SFXN5: variants seen among roughly 807,000 people sequenced by gnomAD.
The protein encoded by SFXN5 is sideroflexin 5.
A neutral mutation model predicts 50.2 loss-of-function variants in SFXN5; 43 were observed. That is an observed-to-expected ratio of 0.86 (90% CI 0.67 to 1.11). The LOEUF is 1.11. SFXN5 is among the 50% of genes least tolerant of loss of function. The probability of loss-of-function intolerance (pLI) is 0.00; values close to 1 mark genes in which losing one functional copy is unlikely to be tolerated. For missense variants in SFXN5, 463 were observed against 454.1 expected (o/e 1.02, Z -0.18); for synonymous variants, 203 against 185.8 (o/e 1.09, Z -0.75).
intron 1 of SFXN5, chr2:73,059,120 G>C (rs192573760): frequency 2.7e-4 from 263 of 982,198 alleles, no homozygotes; most frequent in Non-Finnish European, 3.0e-4. Flanking sequence ...TTCACCCACA[G>C]CCCTGTAGCT....
intron 11 of SFXN5, among the ~76,000 whole-genome samples, chr2:72,970,787 A>G (rs1442085432): frequency 6.6e-6 from 1 of 151,830 alleles, no homozygotes; most frequent in South Asian, 2.1e-4. Flanking sequence ...CCCCGGGTTC[A>G]AGCAATTCTC....
At chr2:73,007,188 G>A (rs1316134544) in intron 6 of SFXN5, among the ~76,000 whole-genome samples, 1 of 152,150 alleles carries the variant, frequency 6.6e-6, no homozygotes, top group African/African-American at 2.4e-5. Context: ...TCAGAACTGA[G>A]CAAGCCCCCA....
chr2:73,051,089 T>G (rs921510408), intron 2 of SFXN5, among the ~76,000 whole-genome samples: 2 of 152,106 alleles, frequency 1.3e-5, no homozygotes, highest in Non-Finnish European at 2.9e-5. Flanking sequence ...CCATTTCCAA[T>G]ACCTTGTTCC....
intron 7 of SFXN5, 39 bp downstream of exon 7, chr2:73,001,486 C>A (rs757441600): frequency 6.2e-7 from 1 of 1,610,430 alleles, no homozygotes; most frequent in Admixed American, 1.7e-5. Flanking sequence ...CCTGTGTGGG[C>A]CCTTCCTTCA....
intron 2 of SFXN5, among the ~76,000 whole-genome samples, chr2:73,055,598 CTTTTTTTTTTTTT>C (rs570909541): frequency 3.7e-5 from 5 of 133,930 alleles, no homozygotes; most frequent in African/African-American, 1.4e-4. Flanking sequence ...TTTTCTTTTT[CTTTTTTTTTTTTT>C]TTTTGAGACA....
At chr2:72,972,263 G>C (rs1157928523) in intron 10 of SFXN5, among the ~76,000 whole-genome samples, 1 of 152,224 alleles carries the variant, frequency 6.6e-6, no homozygotes, top group Non-Finnish European at 1.5e-5. Flanking sequence ...GCTCAGAGAA[G>C]AGGAGTGACT....
intron 9 of SFXN5, among the ~76,000 whole-genome samples, chr2:72,990,889 C>G (rs928908937): frequency 2.0e-5 from 3 of 152,178 alleles, no homozygotes; most frequent in African/African-American, 7.2e-5. Flanking sequence ...GGCTGGGGTC[C>G]TAACGAGTGG....
At chr2:73,052,216 T>C (rs376773068) in intron 2 of SFXN5, among the ~76,000 whole-genome samples, 17 of 152,162 alleles carry the variant, frequency 1.1e-4, no homozygotes, top group Non-Finnish European at 2.1e-4. Flanking sequence ...CGTTCCTTTT[T>C]GTGGGTAGCA....
chr2:72,969,979 A>G (rs2105447004), intron 11 of SFXN5, among the ~76,000 whole-genome samples: 1 of 152,236 alleles, frequency 6.6e-6, no homozygotes, highest in African/African-American at 2.4e-5. Context: ...CACGAGCTTC[A>G]GCCCTCAGAG....
intron 3 of SFXN5, among the ~76,000 whole-genome samples, chr2:73,031,362 A>C (rs1678274825): frequency 6.6e-6 from 1 of 152,226 alleles, no homozygotes; most frequent in African/African-American, 2.4e-5. Flanking sequence ...ACGACGCCCA[A>C]AGAGATGGTA....
chr2:72,996,316 G>A (rs1027294677), intron 9 of SFXN5, among the ~76,000 whole-genome samples: 4 of 152,132 alleles, frequency 2.6e-5, no homozygotes, highest in African/African-American at 9.7e-5. Flanking sequence ...TGCCCAGCAA[G>A]AGCTCAGCTC....
At chr2:73,061,307 C>CAA (rs58591052) in intron 1 of SFXN5, among the ~76,000 whole-genome samples, 3 of 71,678 alleles carry the variant, frequency 4.2e-5, no homozygotes, top group African/African-American at 1.2e-4. Flanking sequence ...GACTCTGTCT[C>CAA]AAAAAAAAAA....
At position 72,956,998 on chromosome 2, in the gene SFXN5, CT is replaced by C. The variant is rs142106504; in HGVS notation, c.945+4132del. Reference sequence around the variant, plus strand: ...CACTCACCCACTCTGGAGACAGCCCCTCCTCTTTGAATCGCCCAAGTCCTCA... The same window carrying C: ...CACTCACCCACTCTGGAGACAGCCCCCCTCTTTGAATCGCCCAAGTCCTCA... On this transcript the variant is annotated intron_variant, in intron 13 of 13. Transcript: ENST00000272433. The C allele has an allele frequency of 5.5e-3, 2,490 of 456,768 alleles. 44 individuals carry two copies. Among genetic ancestry groups the C allele is most frequent in the African/African-American group, 0.044 (2,184 of 50,176 alleles). The allele number at this position is 456,768 out of a possible 1,614,324, so 28.3% of individuals were successfully genotyped here.
chr2:72,996,516 T>G (rs1410736195), intron 9 of SFXN5: 4 of 152,146 alleles, frequency 2.6e-5, no homozygotes, highest in Non-Finnish European at 5.8e-5. Flanking sequence ...TGTTTTTTTT[T>G]TTTTTTTTTT....
intron 6 of SFXN5, among the ~76,000 whole-genome samples, chr2:73,007,205 T>C (rs773436617): frequency 9.1e-4 from 139 of 152,158 alleles, no homozygotes; most frequent in Non-Finnish European, 1.6e-3. Context: ...CCCACCCCCT[T>C]GGCCACCTCC....
chr2:73,013,816 T>C (rs1675833751), intron 6 of SFXN5, among the ~76,000 whole-genome samples: 1 of 152,142 alleles, frequency 6.6e-6, no homozygotes, highest in Admixed American at 6.5e-5. Context: ...GATGAAACAC[T>C]ATAAATACAA....
chr2:73,058,876 G>A, intron 1 of SFXN5: 1 of 453,134 alleles, frequency 2.2e-6, no homozygotes, highest in Admixed American at 3.5e-5. Flanking sequence ...AGTGCCCTGA[G>A]ATCTATTCTG....
At chr2:73,036,472 C>T (rs1162488128) in intron 3 of SFXN5, among the ~76,000 whole-genome samples, 2 of 152,188 alleles carry the variant, frequency 1.3e-5, no homozygotes, top group Admixed American at 6.5e-5. Flanking sequence ...GAGCCAGAAT[C>T]GGGAAGCACA....
chr2:73,047,267 T>TACACAC (rs1432629256), intron 2 of SFXN5, among the ~76,000 whole-genome samples: 14 of 77,564 alleles, frequency 1.8e-4, no homozygotes, highest in African/African-American at 6.7e-4. Flanking sequence ...TATATATATA[T>TACACAC]ATATATATAC....
Sources: gnomAD v4.1 joint callset for allele counts (sites outside exome capture counted in the v4.1 genomes callset) on GRCh38, gnomAD v4.1.1 for gene constraint, MANE v1.5 for transcripts, NCBI Gene and HGNC (gene_info 2026-07-23, HGNC 2026-07-21) for gene names.